LSM8: variants seen among roughly 807,000 people sequenced by gnomAD.
The protein encoded by LSM8 is LSM8 homolog, U6 small nuclear RNA associated.
In LSM8, 14 loss-of-function variants were observed where a neutral mutation model predicts 15.0. That is an observed-to-expected ratio of 0.93 (90% CI 0.62 to 1.46). LSM8 has a LOEUF of 1.46. Among genes scored for constraint, LSM8 ranks in the 40% most tolerant of loss-of-function variants. The pLI is 0.00. For missense variants in LSM8, 90 were observed against 115.4 expected, an observed-to-expected ratio of 0.78 and a Z score of 1.01; for synonymous variants, 50 against 42.1, an observed-to-expected ratio of 1.19 and a Z score of -0.73.
chr7:118,203,770 A>C lies in LSM8; in HGVS notation c.*11768A>C, dbSNP rs994780840. ...AAAATAAATCATAATTTGTGATTTC[A>C]AACATTTAATATGTGCACATGTATA... On this transcript the variant is annotated 3_prime_UTR_variant, in exon 4 of 4. Coordinates refer to ENST00000249299, the MANE Select transcript of LSM8 (RefSeq NM_016200.5). Among the ~76,000 whole-genome samples the C allele has an allele frequency of 2.0e-5, 3 of 151,852 alleles. No individual in the cohort carries two copies. Among genetic ancestry groups the C allele is most frequent in the African/African-American group, 7.2e-5 (3 of 41,424 alleles).
chr7:118,186,029 A>G (rs183521596), intron 2 of LSM8, among the ~76,000 whole-genome samples: 2 of 152,232 alleles, frequency 1.3e-5, no homozygotes, highest in Admixed American at 1.3e-4. Context: ...GAAATTTTGC[A>G]TATGCTTAGT....
rs35097370 is a variant in LSM8 at position 118,196,082 on chromosome 7, T to G, written c.*4080T>G. On this transcript the variant is annotated 3_prime_UTR_variant, in exon 4 of 4. Coordinates refer to ENST00000249299, the MANE Select transcript of LSM8 (RefSeq NM_016200.5). ...TGCTGCCTCCTAGTGGCCATTGCTT[T>G]CTTTTCTACCTGTCCACAAACTTCA... Among the ~76,000 whole-genome samples, 841 of 152,308 alleles carry G rather than the reference T, an allele frequency of 5.5e-3. 6 individuals carry two copies. Among genetic ancestry groups the G allele is most frequent in the African/African-American group, 0.017 (714 of 41,546 alleles).
rs1404581647 is a variant in LSM8 at position 118,198,644 on chromosome 7, A to G, written c.*6642A>G. On this transcript the variant is annotated 3_prime_UTR_variant, in exon 4 of 4. Transcript: ENST00000249299. ...GACCCTAAGGATAGTAAGGATTTCC[A>G]TAGATGGTTAGGAAAACTTCAAATT... Among the ~76,000 whole-genome samples, 1 of 152,218 alleles carries G rather than the reference A, an allele frequency of 6.6e-6. No individual in the cohort carries two copies. Among genetic ancestry groups the G allele is most frequent in the Non-Finnish European group, 1.5e-5 (1 of 68,036 alleles).
rs915751250 is a variant in LSM8, at chr7:118,198,842, C to A, written c.*6840C>A. ...TGGGATGTCTTACCTGTTAAGAGTG[C>A]TTTTGTATGCCTGAGACCATAGGCC... On this transcript the variant is annotated 3_prime_UTR_variant, in exon 4 of 4. Coordinates refer to ENST00000249299, the MANE Select transcript of LSM8 (RefSeq NM_016200.5). 6.6e-6 allele frequency among the ~76,000 whole-genome samples: 1 copy of A among 152,152 alleles called. No homozygotes were observed. Among genetic ancestry groups the A allele is most frequent in the Admixed American group, 6.6e-5 (1 of 15,264 alleles).
At chr7:118,190,458 T>C (rs929204731) in intron 3 of LSM8, 1 of 152,230 alleles carries the variant, frequency 6.6e-6, no homozygotes, top group African/African-American at 2.4e-5. Flanking sequence ...TGTTATATTT[T>C]AAGGAATTTT....
At chr7:118,184,988 G>T (rs1336410393) in intron 1 of LSM8, 1 of 152,196 alleles carries the variant, frequency 6.6e-6, no homozygotes, top group Non-Finnish European at 1.5e-5. Context: ...CTGGAAGACA[G>T]TTTTTTAACA....
Position 118,196,403 on chromosome 7 carries a change from C to G in LSM8, c.*4401C>G, listed in dbSNP as rs1584709742. Among the ~76,000 whole-genome samples, 1 of 77,630 alleles carries G rather than the reference C, an allele frequency of 1.3e-5. No individual in the cohort carries two copies. The highest frequency in any genetic ancestry group is 1.4e-4 in the Admixed American group (1 of 7,080). The allele number at this position is 77,630 out of a possible 152,430, so 50.9% of individuals were successfully genotyped here. The stretch of plus-strand genomic sequence containing the variant: ...TATAATTCAAGTCAATTATTTTCCC[C>G]ATCTATTTTTTTTCTTTTAAGATTG... On this transcript the variant is annotated 3_prime_UTR_variant, in exon 4 of 4. Transcript: ENST00000249299.
At position 118,193,666 on chromosome 7, in the gene LSM8, A is replaced by G. The variant is rs1340086421; in HGVS notation, c.*1664A>G. 6.6e-6 allele frequency among the ~76,000 whole-genome samples: 1 copy of G among 152,134 alleles called. No homozygotes were observed. Among genetic ancestry groups the G allele is most frequent in the African/African-American group, 2.4e-5 (1 of 41,446 alleles). On this transcript the variant is annotated 3_prime_UTR_variant, in exon 4 of 4. Transcript: ENST00000249299. Reference sequence around the variant, plus strand: ...GTGGGTAAGGCAAACAGGCAAATTTAGGGACTGTGAATGAAATATTGTAGT... The same window carrying G: ...GTGGGTAAGGCAAACAGGCAAATTTGGGGACTGTGAATGAAATATTGTAGT...
In LSM8 at chr7:118,194,901, G is replaced by A. The variant is rs73205559; in HGVS notation, c.*2899G>A. Among the ~76,000 whole-genome samples, 4,082 of 152,204 alleles carry A rather than the reference G, an allele frequency of 0.027. 84 individuals carry two copies. Among genetic ancestry groups the A allele is most frequent in the Middle Eastern group, 0.045 (13 of 292 alleles). On this transcript the variant is annotated 3_prime_UTR_variant, in exon 4 of 4. Coordinates refer to ENST00000249299, the MANE Select transcript of LSM8 (RefSeq NM_016200.5). ...ATCATTTTATATATGGGAAAATTGA[G>A]GCTCAGCAGGGTCAAGTGACTTGTA...
In LSM8 at chr7:118,192,293, G is replaced by A; in HGVS notation, c.*291G>A. The A allele has an allele frequency of 4.6e-6, 1 of 218,128 alleles. No homozygotes were observed. 13.5% of individuals were successfully genotyped at this position (218,128 alleles called of 1,614,324 possible). On this transcript the variant is annotated 3_prime_UTR_variant, in exon 4 of 4. Transcript: ENST00000249299. ...TACTTTTTGATACTTTAGTATTTAT[G>A]GAAACTAGTGGAAAAGAGAAATTAG...
In LSM8 at chr7:118,198,866, C is replaced by T; in HGVS notation, c.*6864C>T. 6.6e-6 allele frequency among the ~76,000 whole-genome samples: 1 copy of T among 152,232 alleles called. No homozygotes were observed. Among genetic ancestry groups the T allele is most frequent in the African/African-American group, 2.4e-5 (1 of 41,542 alleles). Reference sequence around the variant, plus strand: ...GCTTTTGTATGCCTGAGACCATAGGCCTTGCTGTTACAGTTTAAGCTCTGG... The same window carrying T: ...GCTTTTGTATGCCTGAGACCATAGGTCTTGCTGTTACAGTTTAAGCTCTGG... On this transcript the variant is annotated 3_prime_UTR_variant, in exon 4 of 4. Coordinates refer to ENST00000249299, the MANE Select transcript of LSM8 (RefSeq NM_016200.5).
At position 118,202,746 on chromosome 7, in the gene LSM8, G is replaced by T. The variant is rs916758521; in HGVS notation, c.*10744G>T. Among the ~76,000 whole-genome samples the T allele has an allele frequency of 1.5e-4, 12 of 79,784 alleles. No individual in the cohort carries two copies. The highest frequency in any genetic ancestry group is 8.3e-4 in the East Asian group (2 of 2,422). 52.3% of individuals were successfully genotyped at this position (79,784 alleles called of 152,430 possible). On this transcript the variant is annotated 3_prime_UTR_variant, in exon 4 of 4. Coordinates refer to ENST00000249299, the MANE Select transcript of LSM8 (RefSeq NM_016200.5). ...GGAAAAAGAGAAGAATGGGGATGGG[G>T]TGAACAACCAACAATGCTGCCATTG... is the stretch of plus-strand genomic sequence containing the variant.
rs1163169051 is a variant in LSM8, at chr7:118,198,462, C to G, written c.*6460C>G. Among the ~76,000 whole-genome samples, 4 of 152,158 alleles carry G rather than the reference C, an allele frequency of 2.6e-5. No individual in the cohort carries two copies. The highest frequency in any genetic ancestry group is 5.9e-5 in the Non-Finnish European group (4 of 68,036). ...TAATCCTTCATTTCCTGAGTATTTA[C>G]TGCATGACAGTAACAGAGATGACAT... On this transcript the variant is annotated 3_prime_UTR_variant, in exon 4 of 4. Coordinates refer to ENST00000249299, the MANE Select transcript of LSM8 (RefSeq NM_016200.5).
intron 1 of LSM8, chr7:118,185,301 C>G (rs116811860): frequency 5.1e-6 from 1 of 197,744 alleles, no homozygotes; most frequent in East Asian, 1.1e-4. Context: ...ACTCTGTTGC[C>G]CAGGCTGGAG....
chr7:118,200,596 T>TAATTATCA lies in LSM8; in HGVS notation c.*8601_*8608dup, dbSNP rs1161653577. Among the ~76,000 whole-genome samples, 1 of 152,144 alleles carries TAATTATCA rather than the reference T, an allele frequency of 6.6e-6. No individual in the cohort carries two copies. The highest frequency in any genetic ancestry group is 1.5e-5 in the Non-Finnish European group (1 of 68,006). On this transcript the variant is annotated 3_prime_UTR_variant, in exon 4 of 4. Coordinates refer to ENST00000249299, the MANE Select transcript of LSM8 (RefSeq NM_016200.5). ...ACATGGCTAACCATTCAGGACCATT[T>TAATTATCA]AATTATCAAATTATTAATGATTCTT... is the stretch of plus-strand genomic sequence containing the variant.
rs985762959 is a variant in LSM8, at chr7:118,196,227, A to G, written c.*4225A>G. Among the ~76,000 whole-genome samples the G allele has an allele frequency of 4.6e-5, 7 of 151,958 alleles. No individual in the cohort carries two copies. In the East Asian group the frequency reaches 5.8e-4, roughly 13 times the overall value. ...GTATTCTTGTGCTTGTGAAGCTTCTATCTGTCTGTATCTACCTCAACCAAA... is the reference window on the plus strand; with the variant it reads ...GTATTCTTGTGCTTGTGAAGCTTCTGTCTGTCTGTATCTACCTCAACCAAA... On this transcript the variant is annotated 3_prime_UTR_variant, in exon 4 of 4. Coordinates refer to ENST00000249299, the MANE Select transcript of LSM8 (RefSeq NM_016200.5).
rs1270558003 is a variant in LSM8 at position 118,198,703 on chromosome 7, G to A, written c.*6701G>A. 6.6e-6 allele frequency among the ~76,000 whole-genome samples: 1 copy of A among 152,178 alleles called. No individual in the cohort carries two copies. The highest frequency in any genetic ancestry group is 1.9e-4 in the East Asian group (1 of 5,194). On this transcript the variant is annotated 3_prime_UTR_variant, in exon 4 of 4. Transcript: ENST00000249299. The stretch of plus-strand genomic sequence containing the variant: ...GGAAGGCAAGAAGGAGTAAGATGTG[G>A]TTGAGTAATAAGGAGTAGACTGACC...
rs1341991035 is a variant in LSM8 at position 118,194,830 on chromosome 7, T to C, written c.*2828T>C. ...CTTCAAAATTAGTAGGTAGTATTTA[T>C]TGAGTGCATATCATGTGCCAGGCCT... On this transcript the variant is annotated 3_prime_UTR_variant, in exon 4 of 4. Coordinates refer to ENST00000249299, the MANE Select transcript of LSM8 (RefSeq NM_016200.5). Among the ~76,000 whole-genome samples the C allele has an allele frequency of 1.3e-5, 2 of 152,230 alleles. No homozygotes were observed. The highest frequency in any genetic ancestry group is 3.4e-3 in the Middle Eastern group (1 of 294).
rs34329832 is a variant in LSM8 at position 118,197,195 on chromosome 7, GTTT to G, written c.*5205_*5207del. 6.9e-6 allele frequency among the ~76,000 whole-genome samples: 1 copy of G among 145,330 alleles called. No individual in the cohort carries two copies. On this transcript the variant is annotated 3_prime_UTR_variant, in exon 4 of 4. Coordinates refer to ENST00000249299, the MANE Select transcript of LSM8 (RefSeq NM_016200.5). ...CTGCATATATTTTGCTATTATGTAGGTTTTTTTTTTTTTTCCACATATACTGGC... is the reference window on the plus strand; with the variant it reads ...CTGCATATATTTTGCTATTATGTAGGTTTTTTTTTTTCCACATATACTGGC...
Sources: gnomAD v4.1 joint callset for allele counts (sites outside exome capture counted in the v4.1 genomes callset) on GRCh38, gnomAD v4.1.1 for gene constraint, MANE v1.5 for transcripts, NCBI Gene and HGNC (gene_info 2026-07-23, HGNC 2026-07-21) for gene names.